The following CCNB2 variants were observed in gnomAD, a reference collection of about 807,000 sequenced individuals.
CCNB2 encodes the protein cyclin B2, also known as G2/mitotic-specific cyclin-B2.
A neutral mutation model predicts 51.1 loss-of-function variants in CCNB2; 39 were observed. That is an observed-to-expected ratio of 0.76 (90% CI 0.59 to 1.00). CCNB2 has a LOEUF of 1.00. Ranked by LOEUF, CCNB2 falls within the 50% of genes least tolerant of loss-of-function variation. The pLI is 0.00. For missense variants in CCNB2, 472 were observed against 470.3 expected (o/e 1.00, Z -0.03); for synonymous variants, 174 against 165.5 (o/e 1.05, Z -0.40).
chr15:59,107,327 C>T lies in CCNB2; in HGVS notation c.30C>T (p.Ser10=), dbSNP rs2079239771. Residue 10 remains serine, a synonymous_variant, in exon 2 of 9, where the codon TCC becomes TCT. Transcript: ENST00000288207. MALLRRPTV[S]SDLENIDTGV... is the part of the protein sequence containing the mutation. ...CTTTTTTTTTTTTTTTTCAGGTGTC[C>T]AGTGATTTGGAGAATATTGACACAG... is the stretch of plus-strand genomic sequence containing the variant. 6.4e-7 allele frequency: 1 copy of T among 1,566,418 alleles called. No homozygotes were observed. Among genetic ancestry groups the T allele is most frequent in the East Asian group, 2.3e-5 (1 of 44,282 alleles).
intron 3 of CCNB2, among the ~76,000 whole-genome samples, chr15:59,109,176 G>A (rs985685938): frequency 2.6e-5 from 4 of 152,086 alleles, no homozygotes; most frequent in South Asian, 2.1e-4. Flanking sequence ...TCAGCCTCCC[G>A]AGTAGCTGGG....
chr15:59,105,436 C>G (rs775545371), intron 1 of CCNB2, 144 bp downstream of exon 1: 1 of 973,782 alleles, frequency 1.0e-6, no homozygotes, highest in Non-Finnish European at 1.5e-6. Context: ...GCCCGCGTCC[C>G]TGGCCCTGCG....
At chr15:59,123,752 AC>A (rs2140292223) in intron 8 of CCNB2, 125 bp downstream of exon 8, 1 of 649,364 alleles carries the variant, frequency 1.5e-6, no homozygotes, top group East Asian at 2.7e-5. Flanking sequence ...GAGTTTTAGC[AC>A]AAATCCTTTA....
At position 59,114,802 on chromosome 15, in the gene CCNB2, C is replaced by T; in HGVS notation, c.523C>T (p.Gln175Ter). The T allele has an allele frequency of 6.2e-7, 1 of 1,614,134 alleles. No individual in the cohort carries two copies. The change falls in exon 5 of 9, where the codon CAA (glutamine) becomes TAA (stop). Residue 175 changes from glutamine to a stop codon, truncating the protein, a stop_gained. Coordinates refer to ENST00000288207, the MANE Select transcript of CCNB2 (RefSeq NM_004701.4). LOFTEE classifies it high-confidence loss of function. ...MRAILVDWLVQVHSKFRLLQE... is the reference protein window; with the variant it reads ...MRAILVDWLV ...TGCCATCCTAGTGGATTGGCTGGTA[C>T]AAGTCCACTCCAAGTTTAGGCTTCT...
At chr15:59,113,046 A>G (rs1397543947) in intron 3 of CCNB2, among the ~76,000 whole-genome samples, 1 of 151,826 alleles carries the variant, frequency 6.6e-6, no homozygotes, top group Non-Finnish European at 1.5e-5. Context: ...AAAAAAAAAC[A>G]TTTAAAAAAG....
rs1367074440 is a variant in CCNB2 at position 59,116,750 on chromosome 15, T to G, written c.658T>G (p.Ser220Ala). 1 of 1,613,414 alleles carries G rather than the reference T, an allele frequency of 6.2e-7. No individual in the cohort carries two copies. Among genetic ancestry groups the G allele is most frequent in the African/African-American group, 1.3e-5 (1 of 75,046 alleles). ...TGGGATTACTGCTCTGCTCTTGGCT[T>G]CCAAGTATGAGGAGATGTTTTCTCC... The part of the protein sequence containing the change: ...LVGITALLLA[S>A]KYEEMFSPNI... Residue 220 changes from serine (S) to alanine (A), a missense_variant, in exon 6 of 9, where the codon TCC becomes GCC. Physicochemically the swap from Ser to Ala is moderately conservative, Grantham distance 99. Coordinates refer to ENST00000288207, the MANE Select transcript of CCNB2 (RefSeq NM_004701.4).
intron 8 of CCNB2, chr15:59,124,479 C>G: frequency 2.4e-6 from 1 of 408,720 alleles, no homozygotes. Flanking sequence ...AAACACAGCT[C>G]CCCCTCCCAT....
At position 59,107,557 on chromosome 15, in the gene CCNB2, A is replaced by G; in HGVS notation, c.154A>G (p.Lys52Glu). 6.2e-7 allele frequency: 1 copy of G among 1,614,166 alleles called. No individual in the cohort carries two copies. The highest frequency in any genetic ancestry group is 8.5e-7 in the Non-Finnish European group (1 of 1,180,018). ...TATTCATGTTTCTTTTTCCTTATAG[A>G]AAGCTCAGAACACCAAAGTTCCAGT... The part of the protein sequence containing the change: ...VTTRAAQVAK[K>E]AQNTKVPVQP... Residue 52 changes from lysine to glutamate, a missense_variant and splice_region_variant, in exon 3 of 9, where the codon AAA becomes GAA. By Grantham distance (56) the Lys-to-Glu change is moderately conservative. Transcript: ENST00000288207.
At position 59,116,870 on chromosome 15, in the gene CCNB2, G is replaced by C. The variant is rs754343842; in HGVS notation, c.778G>C (p.Glu260Gln). 19 of 1,614,070 alleles carry C rather than the reference G, an allele frequency of 1.2e-5. No homozygotes were observed. The highest frequency in any genetic ancestry group is 1.6e-4 in the Middle Eastern group (1 of 6,084). ...ETLILKELKF[E>Q]LGRPLPLHFL... Reference sequence around the variant, plus strand: ...TCTAATTTTGAAAGAATTGAAATTTGAGTTGGGTCGACCCTTGCCACTACA... The same window carrying C: ...TCTAATTTTGAAAGAATTGAAATTTCAGTTGGGTCGACCCTTGCCACTACA... The change falls in exon 6 of 9, where the codon GAG (glutamate) becomes CAG (glutamine). Residue 260 changes from glutamate to glutamine, a missense_variant. Transcript: ENST00000288207.
At position 59,105,150 on chromosome 15, in the gene CCNB2, A is replaced by G; in HGVS notation, c.-119A>G. 1 of 926,864 alleles carries G rather than the reference A, an allele frequency of 1.1e-6. No individual in the cohort carries two copies. The highest frequency in any genetic ancestry group is 2.2e-4 in the Middle Eastern group (1 of 4,508). 57.4% of individuals were successfully genotyped at this position (926,864 alleles called of 1,614,324 possible). ...CTGGAACAAGGCTACAGCGTCGAAGATCCCCAGCGCTGCGGGCTCGGAGAG... is the reference window on the plus strand; with the variant it reads ...CTGGAACAAGGCTACAGCGTCGAAGGTCCCCAGCGCTGCGGGCTCGGAGAG... On this transcript the variant is annotated 5_prime_UTR_variant, in exon 1 of 9. Transcript: ENST00000288207.
At chr15:59,117,480 TG>T in intron 7 of CCNB2, 112 bp downstream of exon 7, 7 of 1,159,506 alleles carry the variant, frequency 6.0e-6, no homozygotes, top group Non-Finnish European at 8.6e-6. Flanking sequence ...TTTTGTTTTG[TG>T]TTTTTGAGAC....
At chr15:59,109,971 C>G (rs1018226379) in intron 3 of CCNB2, among the ~76,000 whole-genome samples, 5 of 151,982 alleles carry the variant, frequency 3.3e-5, no homozygotes, top group African/African-American at 4.8e-5. Flanking sequence ...TGGGCGACAG[C>G]GAGACTCTGT....
intron 7 of CCNB2, among the ~76,000 whole-genome samples, chr15:59,121,893 C>T (rs1393586558): frequency 7.3e-6 from 1 of 137,808 alleles, no homozygotes; most frequent in East Asian, 2.2e-4. Context: ...CATTGCACCA[C>T]TGCACTCCAG....
chr15:59,105,332 CG>C (rs776616577), intron 1 of CCNB2, 40 bp downstream of exon 1: 12 of 1,540,992 alleles, frequency 7.8e-6, no homozygotes, highest in Non-Finnish European at 1.0e-5. Flanking sequence ...GCGAGTCCGT[CG>C]GCCCCACAGC....
At chr15:59,119,431 AC>A (rs1308565054) in intron 7 of CCNB2, among the ~76,000 whole-genome samples, 1 of 143,632 alleles carries the variant, frequency 7.0e-6, no homozygotes, top group Non-Finnish European at 1.5e-5. Context: ...GTGCACTCCA[AC>A]CTGGGCAACA....
At chr15:59,111,590 G>A (rs561714565) in intron 3 of CCNB2, among the ~76,000 whole-genome samples, 5 of 152,264 alleles carry the variant, frequency 3.3e-5, no homozygotes, top group South Asian at 2.1e-4. Flanking sequence ...TCACCTTAAC[G>A]TTTGGATAAA....
chr15:59,120,536 T>C (rs1423745964), intron 7 of CCNB2, among the ~76,000 whole-genome samples: 2 of 152,044 alleles, frequency 1.3e-5, no homozygotes, highest in African/African-American at 4.8e-5. Context: ...TTAAAAAGAA[T>C]AATGACAGTA....
At chr15:59,123,303 C>T (rs2079311219) in intron 7 of CCNB2, among the ~76,000 whole-genome samples, 2 of 152,170 alleles carry the variant, frequency 1.3e-5, no homozygotes, top group Admixed American at 1.3e-4. Flanking sequence ...AGTCTGGTCT[C>T]AGGGCCAGAA....
rs28383544 is a variant in CCNB2 at position 59,117,624 on chromosome 15, A to G, written c.975+256A>G. On this transcript the variant is annotated intron_variant, in intron 7 of 8. Transcript: ENST00000288207. ...GCAGGGACTACAGGCATGCATGACCATGCCTCGCTAATTTTTGTAAATTTT... is the reference window on the plus strand; with the variant it reads ...GCAGGGACTACAGGCATGCATGACCGTGCCTCGCTAATTTTTGTAAATTTT... 1.3e-3 allele frequency among the ~76,000 whole-genome samples: 196 copies of G among 152,280 alleles called. 4 individuals are homozygous for G. The highest frequency in any genetic ancestry group is 0.011 in the Admixed American group (169 of 15,302).
Sources: gnomAD v4.1 joint callset for allele counts (sites outside exome capture counted in the v4.1 genomes callset) on GRCh38, gnomAD v4.1.1 for gene constraint, MANE v1.5 for transcripts, NCBI Gene and HGNC (gene_info 2026-07-23, HGNC 2026-07-21) for gene names.